Variants in ATF6B observed in about 807,000 individuals in gnomAD.
ATF6B encodes the protein activating transcription factor 6 beta.
A neutral mutation model predicts 83.5 loss-of-function variants in ATF6B; 50 were observed. The ratio of observed to expected loss-of-function variants is 0.60; its 90% CI spans 0.48 to 0.76. The LOEUF (loss-of-function observed/expected upper bound fraction) is 0.76. Ranked by LOEUF, ATF6B falls within the 30% of genes least tolerant of loss-of-function variation. ATF6B has a pLI of 0.00. For synonymous variants in ATF6B, 344 were observed against 362.8 expected (o/e 0.95, Z 0.59); for missense variants, 790 against 893.8 (o/e 0.88, Z 1.48).
chr6:32,116,355 T>C lies in ATF6B; in HGVS notation c.1882+125A>G. ...GGTGCTCTTCCCTCCACCTACTTCC[T>C]GCTGCTTCTCACCTGTGGGTCCAGC... is the stretch of plus-strand genomic sequence containing the variant. On this transcript the variant is annotated intron_variant, in intron 17 of 17. Coordinates refer to ENST00000375203, the MANE Select transcript of ATF6B (RefSeq NM_004381.5). This position sits in a 1 kb window ranked among gnomAD's most constrained non-coding sequence, Gnocchi z 5.1. 1.1e-6 allele frequency: 1 copy of C among 893,642 alleles called. No homozygotes were observed. The highest frequency in any genetic ancestry group is 1.7e-6 in the Non-Finnish European group (1 of 589,902). 55.4% of individuals were successfully genotyped at this position (893,642 alleles called of 1,614,324 possible).
intron 1 of ATF6B, 115 bp from the exon 2 acceptor site, chr6:32,127,865 A>C: frequency 8.3e-7 from 1 of 1,206,284 alleles, no homozygotes; most frequent in Non-Finnish European, 1.2e-6. Context: ...CCGCCCGCCC[A>C]CTTGAAAAGT....
rs867614452 is a variant in ATF6B at position 32,128,164 on chromosome 6, C to T, written c.44G>A (p.Arg15His). The T allele has an allele frequency of 6.2e-7, 1 of 1,612,824 alleles. No homozygotes were observed. Among genetic ancestry groups the T allele is most frequent in the Non-Finnish European group, 8.5e-7 (1 of 1,179,858 alleles). Residue 15 changes from arginine (R) to histidine (H), a missense_variant, in exon 1 of 18, where the codon CGT becomes CAT. Arg to His is a conservative substitution (Grantham distance 29, BLOSUM62 0). Around this residue, in one of 3 missense-constraint regions of ATF6B, gnomAD observed 253 missense variants for 243.1 expected, o/e 1.04. Coordinates refer to ENST00000375203, the MANE Select transcript of ATF6B (RefSeq NM_004381.5). ...GCTAAGCAGGTTGTCGGTGAAGAAA[C>T]GCGTCGGGTCAGCAATCTCGCTGAG... ...MLLSEIADPT[R>H]FFTDNLLSPE...
At chr6:32,127,238 G>T in intron 3 of ATF6B, 44 bp from the exon 4 acceptor site, 1 of 1,546,326 alleles carries the variant, frequency 6.5e-7, no homozygotes, top group Non-Finnish European at 8.8e-7. Context: ...CAGAGCTTAA[G>T]AAGAGTCCAA....
chr6:32,128,056 T>C, intron 1 of ATF6B, 61 bp downstream of exon 1: 2 of 1,593,056 alleles, frequency 1.3e-6, no homozygotes, highest in Non-Finnish European at 1.7e-6. Flanking sequence ...AGGCCCCCGC[T>C]TCTTTCCCGC....
At position 32,117,021 on chromosome 6, in the gene ATF6B, C is replaced by T. The variant is rs1446276830; in HGVS notation, c.1685+16G>A. ...GGAATTTCACTTAATAAGTAAGCAC[C>T]CCACCCCACACTCACCTTTCTGGGG... On this transcript the variant is annotated intron_variant, in intron 15 of 17. Transcript: ENST00000375203. This position sits in a 1 kb window ranked among gnomAD's most constrained non-coding sequence, Gnocchi z 5.0. 3 of 1,612,774 alleles carry T rather than the reference C, an allele frequency of 1.9e-6. No homozygotes were observed. Among genetic ancestry groups the T allele is most frequent in the South Asian group, 2.2e-5 (2 of 91,012 alleles).
chr6:32,115,774 C>A lies in ATF6B; in HGVS notation c.2077G>T (p.Ala693Ser). ...TTGAGGTAGAGGGGCTGGTGGGAGG[C>A]CTGGTGGGCCTGGCTGGCTGCAGAG... Reference protein sequence around the residue: ...PVSAASQAHQASHQPLYLNHP With the variant: ...PVSAASQAHQSSHQPLYLNHP Residue 693 changes from alanine to serine, a missense_variant, in exon 18 of 18, where the codon GCC becomes TCC. Transcript: ENST00000375203. The A allele has an allele frequency of 6.2e-7, 1 of 1,610,186 alleles. No individual in the cohort carries two copies. Among genetic ancestry groups the A allele is most frequent in the Non-Finnish European group, 8.5e-7 (1 of 1,177,962 alleles).
rs1781944925 is a variant in ATF6B, at chr6:32,125,721, A to T, written c.478+396T>A. Among the ~76,000 whole-genome samples the T allele has an allele frequency of 6.6e-6, 1 of 152,218 alleles. No homozygotes were observed. The highest frequency in any genetic ancestry group is 2.4e-5 in the African/African-American group (1 of 41,448). ...GGTTGCAGTGAGCTGAGACCACACC[A>T]CTGCACTTCAGCCCGAGCGACAGTG... On this transcript the variant is annotated intron_variant, in intron 5 of 17. Transcript: ENST00000375203. This position sits in a 1 kb window ranked among gnomAD's most constrained non-coding sequence, Gnocchi z 4.1.
At position 32,118,882 on chromosome 6, in the gene ATF6B, G is replaced by A. The variant is rs1781638952; in HGVS notation, c.1153-16C>T. ...GCTCGCTGTTCTAAGGTACAAAGAA[G>A]GAGACAAGAAAAAGGGGAATCATTC... is the stretch of plus-strand genomic sequence containing the variant. On this transcript the variant is annotated splice_polypyrimidine_tract_variant and intron_variant, in intron 10 of 17. Transcript: ENST00000375203. The surrounding 1 kb of genome is among the most constrained non-coding windows in gnomAD (Gnocchi z 5.2). The A allele has an allele frequency of 1.2e-6, 2 of 1,614,220 alleles. No individual in the cohort carries two copies. Among genetic ancestry groups the A allele is most frequent in the Non-Finnish European group, 8.5e-7 (1 of 1,180,028 alleles).
In ATF6B at chr6:32,127,462, T is replaced by G; in HGVS notation, c.230A>C (p.Glu77Ala). ...CTTACCTGGGAAGATCGGCAGGAGT[T>G]CCCATGGGGGCTCAGAGGGGCTGAC... is the stretch of plus-strand genomic sequence containing the variant. Reference protein sequence around the residue: ...MDVSPSEPPWELLPIFPDLQV... With the variant: ...MDVSPSEPPWALLPIFPDLQV... The change falls in exon 3 of 18, where the codon GAA becomes GCA. Residue 77 changes from glutamate (E) to alanine (A), a missense_variant. Physicochemically the swap from Glu to Ala is moderately radical, Grantham distance 107. Around this residue, in one of 3 missense-constraint regions of ATF6B, gnomAD observed 253 missense variants for 243.1 expected, o/e 1.04. Transcript: ENST00000375203. The G allele has an allele frequency of 6.2e-7, 1 of 1,612,678 alleles. No individual in the cohort carries two copies. The highest frequency in any genetic ancestry group is 8.5e-7 in the Non-Finnish European group (1 of 1,179,102).
At position 32,126,123 on chromosome 6, in the gene ATF6B, A is replaced by C. The variant is rs145397220; in HGVS notation, c.472T>G (p.Ser158Ala). Residue 158 changes from serine (S) to alanine (A), a missense_variant, in exon 5 of 18, where the codon TCC becomes GCC. This residue lies in a region of ATF6B where 253 missense variants were observed against 243.1 expected (regional missense o/e 1.04). Transcript: ENST00000375203. ...GGGCAGGCTGTTTTATTACCTGAGG[A>C]ATCATCAGAGGTGGGGATAACGTTG... ...QINVIPTSDD[S>A]SDVQTKIEPV... The C allele has an allele frequency of 4.1e-4, 656 of 1,614,144 alleles. 2 individuals are homozygous for C. In the Middle Eastern group the frequency reaches 8.6e-3, roughly 21 times the overall value.
At chr6:32,121,242 A>G (rs1312036070) in intron 6 of ATF6B, 21 bp downstream of exon 6, 7 of 1,613,292 alleles carry the variant, frequency 4.3e-6, no homozygotes, top group Non-Finnish European at 5.9e-6. Flanking sequence ...ACCTGGAGGA[A>G]GGAAGGAAGG....
In ATF6B at chr6:32,119,697, TG is replaced by T; in HGVS notation, c.966+126del. 2 of 1,346,762 alleles carry T rather than the reference TG, an allele frequency of 1.5e-6. No individual in the cohort carries two copies. Among genetic ancestry groups the T allele is most frequent in the South Asian group, 1.4e-5 (1 of 71,016 alleles). 83.4% of individuals were successfully genotyped at this position (1,346,762 alleles called of 1,614,324 possible). ...CATTCTGACCCTCAGAATGATCTAA[TG>T]GGTCCGTTTCCTCACTTTTTTCTCC... On this transcript the variant is annotated intron_variant, in intron 9 of 17. Transcript: ENST00000375203. This position sits in a 1 kb window ranked among gnomAD's most constrained non-coding sequence, Gnocchi z 4.9.
At chr6:32,128,064 C>T in intron 1 of ATF6B, 53 bp downstream of exon 1, 2 of 1,599,784 alleles carry the variant, frequency 1.3e-6, no homozygotes, top group African/African-American at 1.3e-5. Context: ...GCTTCTTTCC[C>T]GCGTGCCTCA....
chr6:32,117,054 G>A lies in ATF6B; in HGVS notation c.1668C>T (p.Pro556=). 1.2e-6 allele frequency: 2 copies of A among 1,614,060 alleles called. No homozygotes were observed. The highest frequency in any genetic ancestry group is 1.7e-6 in the Non-Finnish European group (2 of 1,179,982). Residue 556 remains proline, a synonymous_variant, in exon 15 of 18, where the codon CCC becomes CCT. Coordinates refer to ENST00000375203, the MANE Select transcript of ATF6B (RefSeq NM_004381.5). This position sits in a 1 kb window ranked among gnomAD's most constrained non-coding sequence, Gnocchi z 5.0. ...ACACTCACCTTTCTGGGGGTCCAGG[G>A]GGTTGGATGGGGACTGCCTTAACTG... The part of the protein sequence containing the change: ...SPPVKAVPIQ[P]PGPPERDSVG...
intron 8 of ATF6B, 179 bp from the exon 9 acceptor site, chr6:32,120,136 C>T (rs1322809522): frequency 6.8e-6 from 5 of 739,272 alleles, no homozygotes; most frequent in Middle Eastern, 4.2e-4. Context: ...CTTGCTCTGT[C>T]GACCAGGCTG....
chr6:32,117,887 G>T lies in ATF6B; in HGVS notation c.1396C>A (p.Pro466Thr). Residue 466 changes from proline (P) to threonine (T), a missense_variant, in exon 12 of 18, where the codon CCC becomes ACC. Physicochemically the swap from Pro to Thr is conservative, Grantham distance 38. Around this residue, in one of 3 missense-constraint regions of ATF6B, gnomAD observed 530 missense variants for 632.6 expected, o/e 0.84. Coordinates refer to ENST00000375203, the MANE Select transcript of ATF6B (RefSeq NM_004381.5). This position sits in a 1 kb window ranked among gnomAD's most constrained non-coding sequence, Gnocchi z 5.0. ...GSSQGPKEPQ[P>T]SPTDQPSFSN... ...AAACTGGGCTGGTCTGTGGGGCTGG[G>T]CTGGGGCTCCTTAGGGCCCTGGGAG... The T allele has an allele frequency of 6.3e-7, 1 of 1,575,718 alleles. No individual in the cohort carries two copies. The highest frequency in any genetic ancestry group is 2.2e-5 in the East Asian group (1 of 44,694).
chr6:32,118,544 C>T lies in ATF6B; in HGVS notation c.1244+231G>A, dbSNP rs1394678210. 6.6e-5 allele frequency among the ~76,000 whole-genome samples: 10 copies of T among 152,186 alleles called. No individual in the cohort carries two copies. Among genetic ancestry groups the T allele is most frequent in the Non-Finnish European group, 8.8e-5 (6 of 68,030 alleles). On this transcript the variant is annotated intron_variant, in intron 11 of 17. Coordinates refer to ENST00000375203, the MANE Select transcript of ATF6B (RefSeq NM_004381.5). This position sits in a 1 kb window ranked among gnomAD's most constrained non-coding sequence, Gnocchi z 5.2. ...CCAGGAAGCAGAGGTTGCAGTGAGC[C>T]GAGATCGTGCCACTGCACTCCAGCC...
In ATF6B at chr6:32,128,183, C is replaced by T; in HGVS notation, c.25G>A (p.Glu9Lys). 2 of 1,612,588 alleles carry T rather than the reference C, an allele frequency of 1.2e-6. No homozygotes were observed. The highest frequency in any genetic ancestry group is 1.7e-6 in the Non-Finnish European group (2 of 1,179,800). Reference sequence around the variant, plus strand: ...AAGAAACGCGTCGGGTCAGCAATCTCGCTGAGCAGCATCAGCTCCGCCATC... The same window carrying T: ...AAGAAACGCGTCGGGTCAGCAATCTTGCTGAGCAGCATCAGCTCCGCCATC... MAELMLLS[E>K]IADPTRFFTD... Residue 9 changes from glutamate (E) to lysine (K), a missense_variant, in exon 1 of 18, where the codon GAG (glutamate) becomes AAG (lysine). Glu to Lys is a moderately conservative substitution (Grantham distance 56). This residue lies in a region of ATF6B where 253 missense variants were observed against 243.1 expected (regional missense o/e 1.04). Transcript: ENST00000375203.
At chr6:32,120,744 C>A (rs756686736) in intron 8 of ATF6B, 27 bp downstream of exon 8, 1 of 1,605,524 alleles carries the variant, frequency 6.2e-7, no homozygotes. Context: ...AGCCACCATG[C>A]CCGGCCCTTT....
Sources: gnomAD v4.1 joint callset for allele counts (sites outside exome capture counted in the v4.1 genomes callset) on GRCh38, gnomAD v4.1.1 for gene constraint, gnomAD v4.1.1 regional missense constraint, Gnocchi (gnomAD v3.1) non-coding constraint, MANE v1.5 for transcripts, NCBI Gene and HGNC (gene_info 2026-07-23, HGNC 2026-07-21) for gene names.